Variants in CABCOCO1 observed in about 807,000 individuals in gnomAD.
The protein encoded by CABCOCO1 is ciliary associated calcium binding coiled-coil 1, also known as ciliary-associated calcium-binding coiled-coil protein 1.
Under a neutral mutation model 35.7 loss-of-function variants are expected in CABCOCO1, and 28 were observed. The ratio of observed to expected loss-of-function variants is 0.78; its 90% CI spans 0.58 to 1.07. The LOEUF is 1.07. CABCOCO1 is among the 50% of genes least tolerant of loss of function. CABCOCO1 has a pLI of 0.00. For synonymous variants in CABCOCO1, 95 were observed against 100.1 expected, an observed-to-expected ratio of 0.95 and a Z score of 0.30; for missense variants, 326 against 309.2, an observed-to-expected ratio of 1.05 and a Z score of -0.41.
At chr10:61,753,416 G>T (rs1386946386) in intron 5 of CABCOCO1, among the ~76,000 whole-genome samples, 1 of 152,030 alleles carries the variant, frequency 6.6e-6, no homozygotes, top group Non-Finnish European at 1.5e-5. Flanking sequence ...CTCTCACCCT[G>T]AGGAAGTTGC....
chr10:61,742,470 A>C (rs1841570890), intron 5 of CABCOCO1, among the ~76,000 whole-genome samples: 1 of 152,016 alleles, frequency 6.6e-6, no homozygotes, highest in African/African-American at 2.4e-5. Flanking sequence ...ACTACAAAGA[A>C]AAAAAAAGGC....
At chr10:61,733,731 A>G (rs1479644161) in intron 5 of CABCOCO1, among the ~76,000 whole-genome samples, 3 of 152,126 alleles carry the variant, frequency 2.0e-5, no homozygotes, top group Non-Finnish European at 4.4e-5. Context: ...AGTTCAAAAT[A>G]CAAACCGAGA....
chr10:61,700,379 A>G (rs1477631082), intron 5 of CABCOCO1, among the ~76,000 whole-genome samples: 1 of 152,156 alleles, frequency 6.6e-6, no homozygotes, highest in Non-Finnish European at 1.5e-5. Flanking sequence ...GGGAAAATTA[A>G]CAAAGCATAT....
At position 61,689,509 on chromosome 10, in the gene CABCOCO1, A is replaced by G. The variant is rs185440226; in HGVS notation, c.480-1040A>G. Among the ~76,000 whole-genome samples, 16 of 152,314 alleles carry G rather than the reference A, an allele frequency of 1.1e-4. No homozygotes were observed. In the East Asian group the frequency reaches 3.1e-3, roughly 29 times the overall value. ...GTGAGATCAACTGCTAATATAACTC[A>G]GAGAGACTCAGCTGCCGGAGGATTT... On this transcript the variant is annotated intron_variant, in intron 4 of 7. Transcript: ENST00000648843.
intron 5 of CABCOCO1, among the ~76,000 whole-genome samples, chr10:61,705,131 T>TGC (rs1840563045): frequency 6.6e-6 from 1 of 152,198 alleles, no homozygotes; most frequent in African/African-American, 2.4e-5. Flanking sequence ...AGCTAAGTCT[T>TGC]TTGTGAGCAA....
chr10:61,762,782 C>T (rs779518442), intron 7 of CABCOCO1, among the ~76,000 whole-genome samples: 3 of 152,028 alleles, frequency 2.0e-5, no homozygotes, highest in Non-Finnish European at 4.4e-5. Context: ...GTTCTAATTC[C>T]AGCGTTATCC....
intron 7 of CABCOCO1, among the ~76,000 whole-genome samples, chr10:61,763,040 C>T (rs1842038138): frequency 6.6e-6 from 1 of 152,034 alleles, no homozygotes. Flanking sequence ...AGCTATGTGT[C>T]AGTGGTCAGT....
At chr10:61,680,568 A>T (rs1338458760) in intron 2 of CABCOCO1, among the ~76,000 whole-genome samples, 1 of 16,396 alleles carries the variant, frequency 6.1e-5, no homozygotes, top group Non-Finnish European at 1.5e-4. Flanking sequence ...ATATATTTGT[A>T]TATATTATGT....
At chr10:61,733,499 TG>T (rs1841349882) in intron 5 of CABCOCO1, among the ~76,000 whole-genome samples, 1 of 152,104 alleles carries the variant, frequency 6.6e-6, no homozygotes, top group Non-Finnish European at 1.5e-5. Context: ...AATGAATTGC[TG>T]TGGCTGCAAC....
At chr10:61,717,826 T>G (rs902570310) in intron 5 of CABCOCO1, among the ~76,000 whole-genome samples, 1 of 152,090 alleles carries the variant, frequency 6.6e-6, no homozygotes, top group African/African-American at 2.4e-5. Context: ...TTTAGAAAGG[T>G]TAGCAAAGAA....
At chr10:61,735,976 C>T (rs1841407670) in intron 5 of CABCOCO1, among the ~76,000 whole-genome samples, 1 of 152,116 alleles carries the variant, frequency 6.6e-6, no homozygotes, top group Admixed American at 6.5e-5. Context: ...GGTATCTGTT[C>T]ATGTCCTTTG....
At chr10:61,680,355 A>AAT (rs1491137309) in intron 2 of CABCOCO1, among the ~76,000 whole-genome samples, 2 of 138,848 alleles carry the variant, frequency 1.4e-5, no homozygotes, top group Non-Finnish European at 3.0e-5. Context: ...TAACATATAT[A>AAT]ATATATATAT....
intron 4 of CABCOCO1, among the ~76,000 whole-genome samples, chr10:61,688,682 A>G (rs895006113): frequency 1.2e-4 from 18 of 152,228 alleles, no homozygotes; most frequent in Non-Finnish European, 2.1e-4. Flanking sequence ...ACCCAAAATA[A>G]GAAAATCAAC....
chr10:61,740,323 A>T (rs952243610), intron 5 of CABCOCO1, among the ~76,000 whole-genome samples: 4 of 152,184 alleles, frequency 2.6e-5, no homozygotes, highest in Non-Finnish European at 5.9e-5. Context: ...TGATAGAAAG[A>T]TGCCAGATCC....
chr10:61,697,829 G>C (rs181951135), intron 5 of CABCOCO1, among the ~76,000 whole-genome samples: 53 of 152,100 alleles, frequency 3.5e-4, no homozygotes, highest in Non-Finnish European at 5.4e-4. Flanking sequence ...AAGACGAAAG[G>C]CTGCATAGGA....
intron 5 of CABCOCO1, among the ~76,000 whole-genome samples, chr10:61,724,304 A>G (rs534109084): frequency 1.3e-5 from 2 of 152,312 alleles, no homozygotes; most frequent in Admixed American, 6.5e-5. Flanking sequence ...TCCATTCAGG[A>G]TATGTAGACT....
intron 5 of CABCOCO1, among the ~76,000 whole-genome samples, chr10:61,752,264 T>C (rs1841804666): frequency 6.6e-6 from 1 of 151,924 alleles, no homozygotes. Context: ...ATATGACTAA[T>C]TGGCAGTAGT....
In CABCOCO1 at chr10:61,677,811, GTTTTTTTTTTTT is replaced by G. The variant is rs35492889; in HGVS notation, c.165-3318_165-3307del. ...ACATGCGGTGTTTGGTTTTTTGGGT[GTTTTTTTTTTTT>G]TTTTTTTTTTTTTGTCCTTGCAGCT... On this transcript the variant is annotated intron_variant, in intron 2 of 7. Transcript: ENST00000648843. 1.8e-4 allele frequency among the ~76,000 whole-genome samples: 11 copies of G among 60,328 alleles called. No individual in the cohort carries two copies. The Admixed American group carries it at 2.6e-3, about 14-fold the overall frequency. The allele number at this position is 60,328 out of a possible 152,430, so 39.6% of individuals were successfully genotyped here.
At chr10:61,702,607 G>A (rs7922049) in intron 5 of CABCOCO1, among the ~76,000 whole-genome samples, 17,599 of 151,958 alleles carry the variant, frequency 0.12, 1,099 homozygotes, top group Middle Eastern at 0.17. Context: ...TTTATTGATC[G>A]CTTTTTTTAA....
Sources: allele counts gnomAD v4.1 joint callset (sites outside exome capture counted in the v4.1 genomes callset), GRCh38; gene constraint gnomAD v4.1.1; transcripts MANE v1.5; gene names NCBI Gene and HGNC (gene_info 2026-07-23, HGNC 2026-07-21).